AP1M1: variants seen among roughly 807,000 people sequenced by gnomAD.
AP1M1 encodes AP-1 complex subunit mu-1.
AP1M1 carries 18 observed loss-of-function variants against 57.1 expected under a neutral mutation model. The observed-to-expected ratio is 0.32, with a 90% CI of 0.22 to 0.47. AP1M1 has a LOEUF of 0.47. AP1M1 is among the 20% of genes least tolerant of loss of function. The probability of loss-of-function intolerance (pLI) is 1.00; values close to 1 mark genes in which losing one functional copy is unlikely to be tolerated. For missense variants in AP1M1, 362 were observed against 593.5 expected (o/e 0.61, Z 4.05); for synonymous variants, 241 against 237.9 (o/e 1.01, Z -0.12).
chr19:16,230,100 G>A (rs757979023), intron 9 of AP1M1, among the ~76,000 whole-genome samples: 3 of 152,210 alleles, frequency 2.0e-5, no homozygotes, highest in Non-Finnish European at 4.4e-5. Flanking sequence ...GAAGGGACAG[G>A]GCTAAGGGCC....
intron 10 of AP1M1, 87 bp from the exon 11 acceptor site, chr19:16,234,112 C>T: frequency 7.3e-7 from 1 of 1,362,550 alleles, no homozygotes; most frequent in South Asian, 1.4e-5. Flanking sequence ...CCCCTGCCAG[C>T]CCCAGGCTGC....
Position 16,241,950 on chromosome 19 carries a change from GC to G in AP1M1, c.*7517del, listed in dbSNP as rs2091647274. The G allele has an allele frequency of 6.6e-6, 1 of 152,258 alleles. No homozygotes were observed. Among genetic ancestry groups the G allele is most frequent in the African/African-American group, 2.4e-5 (1 of 41,246 alleles). The allele number at this position is 152,258 out of a possible 1,614,324, so 9.4% of individuals were successfully genotyped here. ...AGAGGTTGTGGTGAGCTGAGATCGCGCCATTGCACTCCAGCCTGGGCAATGA... is the reference window on the plus strand; with the variant it reads ...AGAGGTTGTGGTGAGCTGAGATCGCGCATTGCACTCCAGCCTGGGCAATGA... On this transcript the variant is annotated 3_prime_UTR_variant, in exon 12 of 12. Transcript: ENST00000291439.
Position 16,242,447 on chromosome 19 carries a change from T to C in AP1M1, c.*8012T>C, listed in dbSNP as rs560396362. On this transcript the variant is annotated 3_prime_UTR_variant, in exon 12 of 12. Coordinates refer to ENST00000291439, the MANE Select transcript of AP1M1 (RefSeq NM_032493.4). ...CTAGCATCTCTGGCTGCAGAAAGCA[T>C]AAAATAAGATTGTAGAAATAAATCC... 1.3e-5 allele frequency: 2 copies of C among 152,316 alleles called. No individual in the cohort carries two copies. The highest frequency in any genetic ancestry group is 3.9e-4 in the East Asian group (2 of 5,190). 9.4% of individuals were successfully genotyped at this position (152,316 alleles called of 1,614,324 possible). A position where few individuals can be genotyped will look rare whatever the true frequency, so the allele number is the denominator to read the frequency against.
chr19:16,198,555 C>T (rs1442024512), intron 1 of AP1M1, among the ~76,000 whole-genome samples: 1 of 152,138 alleles, frequency 6.6e-6, no homozygotes, highest in Non-Finnish European at 1.5e-5. Flanking sequence ...TCTCCACGTT[C>T]ATTGTGATAG....
intron 10 of AP1M1, 108 bp downstream of exon 10, chr19:16,233,726 C>A: frequency 7.2e-7 from 1 of 1,386,160 alleles, no homozygotes; most frequent in African/African-American, 1.4e-5. Context: ...GCAATCAGGA[C>A]CCTGCTGTGC....
rs1035696175 is a variant in AP1M1, at chr19:16,227,192, C to T, written c.674-356C>T. ...CAAACCAAGGTAGGACCCAGGACCCCGTGGATGCCAGGGCCTGAGCCCTTG... is the reference window on the plus strand; with the variant it reads ...CAAACCAAGGTAGGACCCAGGACCCTGTGGATGCCAGGGCCTGAGCCCTTG... On this transcript the variant is annotated intron_variant, in intron 6 of 11. Transcript: ENST00000291439. This position sits in a 1 kb window ranked among gnomAD's most constrained non-coding sequence, Gnocchi z 6.2. 3.9e-5 allele frequency among the ~76,000 whole-genome samples: 6 copies of T among 152,134 alleles called. No individual in the cohort carries two copies. The highest frequency in any genetic ancestry group is 1.4e-4 in the African/African-American group (6 of 41,430).
chr19:16,212,013 T>C (rs1464247802), intron 5 of AP1M1, among the ~76,000 whole-genome samples: 1 of 152,212 alleles, frequency 6.6e-6, no homozygotes, highest in Non-Finnish European at 1.5e-5. Flanking sequence ...AGTATTTTGT[T>C]GAGGATTTTT....
intron 5 of AP1M1, among the ~76,000 whole-genome samples, chr19:16,223,170 C>T (rs1209458750): frequency 1.3e-5 from 2 of 152,190 alleles, no homozygotes; most frequent in Non-Finnish European, 1.5e-5. Flanking sequence ...TTCCAATCCC[C>T]AACCTGTAGG....
chr19:16,204,484 T>A (rs972337938), intron 2 of AP1M1, among the ~76,000 whole-genome samples: 7 of 152,174 alleles, frequency 4.6e-5, no homozygotes, highest in Non-Finnish European at 1.0e-4. Context: ...CAACGACCCC[T>A]CACTGCAGGA....
Position 16,234,216 on chromosome 19 carries a change from C to A in AP1M1, c.1191C>A (p.Ile397=). The A allele has an allele frequency of 5.0e-6, 8 of 1,613,758 alleles. No individual in the cohort carries two copies. Among genetic ancestry groups the A allele is most frequent in the Non-Finnish European group, 6.8e-6 (8 of 1,179,832 alleles). Residue 397 remains isoleucine, a synonymous_variant, in exon 11 of 12, where the codon ATC becomes ATA. Transcript: ENST00000291439. Reference sequence around the variant, plus strand: ...TGCCCCAGGTGCGCTACCTGAAGATCATTGAGAAGAGTGGGTACCAGGCCC... The same window carrying A: ...TGCCCCAGGTGCGCTACCTGAAGATAATTGAGAAGAGTGGGTACCAGGCCC... ...TSGIQVRYLK[I]IEKSGYQALP... is the part of the protein sequence containing the mutation.
intron 5 of AP1M1, among the ~76,000 whole-genome samples, chr19:16,211,611 G>T (rs146359859): frequency 6.6e-6 from 1 of 152,044 alleles, no homozygotes; most frequent in African/African-American, 2.4e-5. Flanking sequence ...TTAGCCGGGC[G>T]TGGTGATGCG....
chr19:16,228,715 C>T lies in AP1M1; in HGVS notation c.889-55C>T. 1 of 1,600,956 alleles carries T rather than the reference C, an allele frequency of 6.2e-7. No homozygotes were observed. Among genetic ancestry groups the T allele is most frequent in the African/African-American group, 1.3e-5 (1 of 74,822 alleles). ...CTGAGGGGCATGTGTCCTGGAGAGG[C>T]TGGCCAGCTCACCTTGGCCTCCATA... On this transcript the variant is annotated intron_variant, in intron 8 of 11. Transcript: ENST00000291439. The surrounding 1 kb of genome is among the most constrained non-coding windows in gnomAD (Gnocchi z 5.0).
chr19:16,220,632 C>T (rs1386872798), intron 5 of AP1M1, among the ~76,000 whole-genome samples: 2 of 152,144 alleles, frequency 1.3e-5, no homozygotes, highest in African/African-American at 2.4e-5. Context: ...CTCAAGTGAT[C>T]TGCTCACCCC....
rs530348249 is a variant in AP1M1, at chr19:16,228,305, C to T, written c.888+97C>T. 24 of 1,240,832 alleles carry T rather than the reference C, an allele frequency of 1.9e-5. No homozygotes were observed. The highest frequency in any genetic ancestry group is 1.5e-4 in the African/African-American group (10 of 67,366). The allele number at this position is 1,240,832 out of a possible 1,614,324, so 76.9% of individuals were successfully genotyped here. On this transcript the variant is annotated intron_variant, in intron 8 of 11. Transcript: ENST00000291439. This position sits in a 1 kb window ranked among gnomAD's most constrained non-coding sequence, Gnocchi z 5.0. ...CTGGGGGTGCCGTAGGGCTGCCATC[C>T]GTGCACCCTCACTGTGGCCTCAGAT...
rs2091645413 is a variant in AP1M1 at position 16,241,484 on chromosome 19, T to G, written c.*7049T>G. ...TGTGTAAAGCAATAATAACAGTGAC[T>G]AACGTATAGAGTAGCGACAAAAGGC... is the stretch of plus-strand genomic sequence containing the variant. On this transcript the variant is annotated 3_prime_UTR_variant, in exon 12 of 12. Transcript: ENST00000291439. The G allele has an allele frequency of 6.6e-6, 1 of 152,150 alleles. No individual in the cohort carries two copies. Among genetic ancestry groups the G allele is most frequent in the Non-Finnish European group, 1.5e-5 (1 of 68,042 alleles). 9.4% of individuals were successfully genotyped at this position (152,150 alleles called of 1,614,324 possible). A position where few individuals can be genotyped will look rare whatever the true frequency, so the allele number is the denominator to read the frequency against.
chr19:16,200,986 G>A (rs1245283519), intron 1 of AP1M1, among the ~76,000 whole-genome samples: 1 of 152,126 alleles, frequency 6.6e-6, no homozygotes, highest in African/African-American at 2.4e-5. Flanking sequence ...TTTCTCTGGA[G>A]ATCTAGTGGC....
chr19:16,239,239 C>CCTTTTTT lies in AP1M1; in HGVS notation c.*4804_*4805insCTTTTTT, dbSNP rs2091636479. ...TGAGCCACCGCGCCCGGCCAGTTCT[C>CCTTTTTT]TTTTTTTTTTTTTTTTTTTTTTTTT... On this transcript the variant is annotated 3_prime_UTR_variant, in exon 12 of 12. Transcript: ENST00000291439. 2.5e-5 allele frequency: 1 copy of CCTTTTTT among 39,232 alleles called. No homozygotes were observed. The highest frequency in any genetic ancestry group is 8.9e-5 in the African/African-American group (1 of 11,246). The allele number at this position is 39,232 out of a possible 1,614,324, so 2.4% of individuals were successfully genotyped here. A position where few individuals can be genotyped will look rare whatever the true frequency, so the allele number is the denominator to read the frequency against.
chr19:16,224,909 G>A (rs893892250), intron 5 of AP1M1, among the ~76,000 whole-genome samples: 27 of 152,172 alleles, frequency 1.8e-4, no homozygotes, highest in Admixed American at 1.4e-3. Context: ...TGCCACACAC[G>A]CTGTTTCTGG....
At chr19:16,217,016 A>G (rs2145127149) in intron 5 of AP1M1, among the ~76,000 whole-genome samples, 1 of 152,212 alleles carries the variant, frequency 6.6e-6, no homozygotes, top group Non-Finnish European at 1.5e-5. Context: ...CAGCAGCAGT[A>G]GTGGCAGTAT....
Sources: gnomAD v4.1 joint callset for allele counts (sites outside exome capture counted in the v4.1 genomes callset) on GRCh38, gnomAD v4.1.1 for gene constraint, Gnocchi (gnomAD v3.1) non-coding constraint, MANE v1.5 for transcripts, NCBI Gene and HGNC (gene_info 2026-07-23, HGNC 2026-07-21) for gene names.